Variants in PLXND1 observed in about 807,000 individuals in gnomAD.
PLXND1 encodes the protein plexin-D1.
In PLXND1, 54 loss-of-function variants were observed where a neutral mutation model predicts 197.7. The observed-to-expected ratio is 0.27, with a 90% confidence interval of 0.22 to 0.34. The LOEUF (loss-of-function observed/expected upper bound fraction) is 0.34. Ranked by LOEUF, PLXND1 falls within the 10% of genes least tolerant of loss-of-function variation. The probability of loss-of-function intolerance (pLI) is 1.00; values close to 1 mark genes in which losing one functional copy is unlikely to be tolerated. For missense variants in PLXND1, 2,127 were observed against 2,699.2 expected, an observed-to-expected ratio of 0.79 and a Z score of 4.70; for synonymous variants, 1,180 against 1,161.2, an observed-to-expected ratio of 1.02 and a Z score of -0.33.
At chr3:129,594,354 C>T (rs2085589832) in intron 1 of PLXND1, among the ~76,000 whole-genome samples, 1 of 152,160 alleles carries the variant, frequency 6.6e-6, no homozygotes, top group Admixed American at 6.5e-5. Flanking sequence ...CACCATGGCT[C>T]ACGCCTGTAA....
rs750801883 is a variant in PLXND1 at position 129,556,451 on chromosome 3, C to T, written c.5662-23G>A. Reference sequence around the variant, plus strand: ...GATCTGAGGGGAGCAGCGGAGTCAGCCGGGCCATGGCCGGTAGCCCTGCCT... The same window carrying T: ...GATCTGAGGGGAGCAGCGGAGTCAGTCGGGCCATGGCCGGTAGCCCTGCCT... On this transcript the variant is annotated intron_variant, in intron 35 of 35. Coordinates refer to ENST00000324093, the MANE Select transcript of PLXND1 (RefSeq NM_015103.3). 3.1e-5 allele frequency: 49 copies of T among 1,582,254 alleles called. 1 individual carries two copies. In the South Asian group the frequency reaches 5.3e-4, roughly 17 times the overall value.
chr3:129,555,269 C>G lies in PLXND1; in HGVS notation c.*1043G>C, dbSNP rs749931793. ...GAAGATTCCAGAGTCCCAGCTGCCC[C>G]CCTCCAGCCCCCATGGGCTCTGAGC... On this transcript the variant is annotated 3_prime_UTR_variant, in exon 36 of 36. Transcript: ENST00000324093. 6.3e-6 allele frequency: 3 copies of G among 472,972 alleles called. No homozygotes were observed. The highest frequency in any genetic ancestry group is 1.1e-5 in the Non-Finnish European group (3 of 270,794). The allele number at this position is 472,972 out of a possible 1,614,324, so 29.3% of individuals were successfully genotyped here. A position where few individuals can be genotyped will look rare whatever the true frequency, so the allele number is the denominator to read the frequency against.
At chr3:129,566,834 G>A (rs1289932213) in intron 22 of PLXND1, among the ~76,000 whole-genome samples, 1 of 152,202 alleles carries the variant, frequency 6.6e-6, no homozygotes, top group East Asian at 1.9e-4. Context: ...GACAGCACAA[G>A]ACTTAAGGGG....
In PLXND1 at chr3:129,606,600, G is replaced by T; in HGVS notation, c.40C>A (p.Arg14=). 1.7e-6 allele frequency: 2 copies of T among 1,200,064 alleles called. No homozygotes were observed. The highest frequency in any genetic ancestry group is 2.1e-6 in the Non-Finnish European group (2 of 968,084). 74.3% of individuals were successfully genotyped at this position (1,200,064 alleles called of 1,614,324 possible). ...GGCGGGGGGCTGGCGGCGGCGGCCC[G>T]GGCGCTAAGGGGTGCGCCGCCCGCG... is the stretch of plus-strand genomic sequence containing the variant. ...RAAGGAPLSA[R]AAAASPPPFQ... Residue 14 remains arginine (R), a synonymous_variant, in exon 1 of 36, where the codon CGG becomes AGG. Transcript: ENST00000324093.
intron 8 of PLXND1, among the ~76,000 whole-genome samples, chr3:129,581,270 G>A (rs948675429): frequency 1.7e-4 from 26 of 152,172 alleles, no homozygotes; most frequent in African/African-American, 5.8e-4. Context: ...CTGCACGCCC[G>A]GGGCAGAGCT....
In PLXND1 at chr3:129,605,385, G is replaced by C; in HGVS notation, c.1255C>G (p.Leu419Val). 6.7e-7 allele frequency: 1 copy of C among 1,502,368 alleles called. No homozygotes were observed. Among genetic ancestry groups the C allele is most frequent in the Non-Finnish European group, 8.8e-7 (1 of 1,133,734 alleles). 93.1% of individuals were successfully genotyped at this position (1,502,368 alleles called of 1,614,324 possible). Residue 419 changes from leucine (L) to valine (V), a missense_variant, in exon 1 of 36, where the codon CTC becomes GTC. Leu to Val is a conservative substitution (Grantham distance 32). This residue lies in a region of PLXND1 where 1,095 missense variants were observed against 1,259.8 expected (regional missense o/e 0.87). Transcript: ENST00000324093. ...CCCGTGCCCTGCACCACGCTGTCGA[G>C]CACCGCCACCACGTCGGGCGCCGGT... ...VEPAPDVVAV[L>V]DSVVQGTGPA...
chr3:129,575,689 C>T, intron 10 of PLXND1, 77 bp downstream of exon 10: 3 of 1,243,940 alleles, frequency 2.4e-6, no homozygotes, highest in Non-Finnish European at 3.5e-6. Flanking sequence ...TAGAGAGAGG[C>T]AGGGTGGGGT....
chr3:129,556,257 G>A lies in PLXND1; in HGVS notation c.*55C>T. 8.7e-7 allele frequency: 1 copy of A among 1,150,404 alleles called. No individual in the cohort carries two copies. The highest frequency in any genetic ancestry group is 1.3e-6 in the Non-Finnish European group (1 of 760,804). 71.3% of individuals were successfully genotyped at this position (1,150,404 alleles called of 1,614,324 possible). The stretch of plus-strand genomic sequence containing the variant: ...GGCACGGGGTAGAAGATCAAGTTGA[G>A]GCCCAGTGGGCGTCCATTTCTCCCA... On this transcript the variant is annotated 3_prime_UTR_variant, in exon 36 of 36. Transcript: ENST00000324093.
At chr3:129,563,301 G>A in intron 25 of PLXND1, 61 bp from the exon 26 acceptor site, 2 of 1,426,620 alleles carry the variant, frequency 1.4e-6, no homozygotes, top group East Asian at 2.5e-5. Flanking sequence ...CCATGCTTTG[G>A]GCCAAACACC....
intron 1 of PLXND1, among the ~76,000 whole-genome samples, chr3:129,595,912 T>TGCAC (rs2085613229): frequency 2.3e-5 from 1 of 43,816 alleles, no homozygotes; most frequent in African/African-American, 8.2e-5. Flanking sequence ...GCCCTGGGGG[T>TGCAC]GCACGCACGC....
rs148418284 is a variant in PLXND1 at position 129,569,912 on chromosome 3, C to T, written c.3796G>A (p.Gly1266Arg). Residue 1266 changes from glycine to arginine, a missense_variant, in exon 20 of 36, where the codon GGG (glycine) becomes AGG (arginine). Gly to Arg is a moderately radical substitution (Grantham distance 125, BLOSUM62 -2). Coordinates refer to ENST00000324093, the MANE Select transcript of PLXND1 (RefSeq NM_015103.3). Reference sequence around the variant, plus strand: ...ACGATGATGGCCGTCTCGCTGCCCCCCAGCTGCAGTGTGGCGATGGTCTGG... The same window carrying T: ...ACGATGATGGCCGTCTCGCTGCCCCTCAGCTGCAGTGTGGCGATGGTCTGG... ...FNQTIATLQLGGSETAIIVSI... is the reference protein window; with the variant it reads ...FNQTIATLQLRGSETAIIVSI... 2 of 1,613,406 alleles carry T rather than the reference C, an allele frequency of 1.2e-6. No homozygotes were observed. The highest frequency in any genetic ancestry group is 2.7e-5 in the African/African-American group (2 of 74,900).
intron 5 of PLXND1, 89 bp downstream of exon 5, chr3:129,585,863 T>G: frequency 7.8e-6 from 12 of 1,546,252 alleles, no homozygotes; most frequent in South Asian, 1.1e-5. Context: ...GCACCATGGG[T>G]GGGAGTCTCC....
intron 2 of PLXND1, among the ~76,000 whole-genome samples, chr3:129,588,192 C>T (rs188863921): frequency 2.6e-5 from 4 of 152,296 alleles, no homozygotes; most frequent in South Asian, 2.1e-4. Flanking sequence ...TCCTGCTGTG[C>T]GACTCTGGGG....
At position 129,560,604 on chromosome 3, in the gene PLXND1, T is replaced by C. The variant is rs2085043200; in HGVS notation, c.5028+85A>G. ...AGCCTTTCGCAGGGCTGGGAGCACTTTTCCCAAGAGGCCCAGGGCCACAGA... is the reference window on the plus strand; with the variant it reads ...AGCCTTTCGCAGGGCTGGGAGCACTCTTCCCAAGAGGCCCAGGGCCACAGA... On this transcript the variant is annotated intron_variant, in intron 30 of 35. Transcript: ENST00000324093. 3 of 1,157,096 alleles carry C rather than the reference T, an allele frequency of 2.6e-6. No homozygotes were observed. The African/African-American group carries it at 4.6e-5, about 18-fold the overall frequency. The allele number at this position is 1,157,096 out of a possible 1,614,324, so 71.7% of individuals were successfully genotyped here.
chr3:129,604,316 T>C (rs778377611), intron 1 of PLXND1, among the ~76,000 whole-genome samples: 7 of 152,028 alleles, frequency 4.6e-5, no homozygotes, highest in Non-Finnish European at 1.0e-4. Context: ...ACACACGCAC[T>C]CTGAGATCCA....
chr3:129,587,483 C>A (rs920865942), intron 2 of PLXND1, among the ~76,000 whole-genome samples: 1 of 152,192 alleles, frequency 6.6e-6, no homozygotes, highest in African/African-American at 2.4e-5. Flanking sequence ...CAGAGCCCCA[C>A]CAAACTCTGC....
chr3:129,566,909 A>G (rs2085149272), intron 22 of PLXND1, among the ~76,000 whole-genome samples: 1 of 152,244 alleles, frequency 6.6e-6, no homozygotes, highest in Non-Finnish European at 1.5e-5. Flanking sequence ...TCTGAGCTTT[A>G]GCCTGAGGCT....
chr3:129,597,643 G>A (rs1392828000), intron 1 of PLXND1, among the ~76,000 whole-genome samples: 1 of 152,224 alleles, frequency 6.6e-6, no homozygotes, highest in Non-Finnish European at 1.5e-5. Context: ...GGCGGGGAGG[G>A]CCCCCGCTGG....
In PLXND1 at chr3:129,556,992, C is replaced by G; in HGVS notation, c.5586+91G>C. 2.2e-6 allele frequency: 3 copies of G among 1,394,216 alleles called. No homozygotes were observed. In the South Asian group the frequency reaches 3.7e-5, roughly 17 times the overall value. 86.4% of individuals were successfully genotyped at this position (1,394,216 alleles called of 1,614,324 possible). On this transcript the variant is annotated intron_variant, in intron 34 of 35. Coordinates refer to ENST00000324093, the MANE Select transcript of PLXND1 (RefSeq NM_015103.3). The stretch of plus-strand genomic sequence containing the variant: ...CTGAAATGCCCTCTGCGCTCCCTGC[C>G]CTTACTCCAGTGGAGGCATTGAGGC...
Sources: gnomAD v4.1 joint callset for allele counts (sites outside exome capture counted in the v4.1 genomes callset) on GRCh38, gnomAD v4.1.1 for gene constraint, gnomAD v4.1.1 regional missense constraint, MANE v1.5 for transcripts, NCBI Gene and HGNC (gene_info 2026-07-23, HGNC 2026-07-21) for gene names.